The following COL8A1 variants were observed in gnomAD, a reference collection of about 807,000 sequenced individuals.
COL8A1 encodes collagen alpha-1(VIII) chain.
COL8A1 carries 21 observed loss-of-function variants against 42.7 expected under a neutral mutation model. That is an observed-to-expected ratio of 0.49 (90% CI 0.35 to 0.71). The LOEUF (loss-of-function observed/expected upper bound fraction) is 0.71. Among genes scored for constraint, COL8A1 ranks in the 30% least tolerant of loss-of-function variants. COL8A1 has a pLI of 0.01. For missense variants in COL8A1, 788 were observed against 962.4 expected (o/e 0.82, Z 2.40); for synonymous variants, 367 against 369.1 (o/e 0.99, Z 0.06).
chr3:99,784,238 A>T (rs902942288), intron 2 of COL8A1, among the ~76,000 whole-genome samples: 1 of 152,242 alleles, frequency 6.6e-6, no homozygotes, highest in Non-Finnish European at 1.5e-5. Context: ...TTTGACTAGG[A>T]ATGTAACAGG....
At chr3:99,750,057 T>A (rs1218448630) in intron 2 of COL8A1, among the ~76,000 whole-genome samples, 32 of 134,954 alleles carry the variant, frequency 2.4e-4, no homozygotes, top group African/African-American at 8.9e-4. Context: ...TTCTTTTTTT[T>A]TTTTTTTTTT....
chr3:99,771,558 AT>A (rs1941581183), intron 2 of COL8A1, among the ~76,000 whole-genome samples: 1 of 152,200 alleles, frequency 6.6e-6, no homozygotes, highest in Non-Finnish European at 1.5e-5. Context: ...TCCACTTGAA[AT>A]TAATGCCCCT....
chr3:99,731,891 G>A (rs1940521503), intron 1 of COL8A1, among the ~76,000 whole-genome samples: 1 of 152,108 alleles, frequency 6.6e-6, no homozygotes, highest in African/African-American at 2.4e-5. Flanking sequence ...CAATTATTAT[G>A]CTTATTATTT....
intron 2 of COL8A1, among the ~76,000 whole-genome samples, chr3:99,763,990 T>C (rs1941412559): frequency 6.6e-6 from 1 of 151,970 alleles, no homozygotes; most frequent in African/African-American, 2.4e-5. Flanking sequence ...TGCATTTGAC[T>C]CCAGTAGTTG....
chr3:99,640,435 T>G (rs1233531174), intron 1 of COL8A1, among the ~76,000 whole-genome samples: 1 of 152,208 alleles, frequency 6.6e-6, no homozygotes, highest in Non-Finnish European at 1.5e-5. Context: ...GAAAATACGC[T>G]GCTTCATTCA....
At position 99,651,541 on chromosome 3, in the gene COL8A1, T is replaced by C. The variant is rs1332740882; in HGVS notation, c.-129+12877T>C. 2.0e-5 allele frequency among the ~76,000 whole-genome samples: 3 copies of C among 152,376 alleles called. No individual in the cohort carries two copies. The East Asian group carries it at 5.8e-4, about 29-fold the overall frequency. On this transcript the variant is annotated intron_variant, in intron 1 of 3. Coordinates refer to ENST00000652472, the MANE Select transcript of COL8A1 (RefSeq NM_020351.4). ...TTTGACAATGATGTGCCCCTGGCAC[T>C]TGCTGGCTTACCAACAGCCCTTCAG...
chr3:99,680,958 C>G (rs1938858308), intron 1 of COL8A1, among the ~76,000 whole-genome samples: 1 of 152,094 alleles, frequency 6.6e-6, no homozygotes, highest in African/African-American at 2.4e-5. Flanking sequence ...GAAACTGGAT[C>G]CCTTCCTTAC....
At chr3:99,669,139 A>G (rs1011510036) in intron 1 of COL8A1, among the ~76,000 whole-genome samples, 14 of 122,598 alleles carry the variant, frequency 1.1e-4, no homozygotes, top group African/African-American at 4.2e-4. Context: ...ATATATATAT[A>G]TATATATAGA....
At chr3:99,730,496 A>G (rs1475637285) in intron 1 of COL8A1, among the ~76,000 whole-genome samples, 2 of 152,152 alleles carry the variant, frequency 1.3e-5, no homozygotes, top group African/African-American at 4.8e-5. Context: ...CCTGCACCCC[A>G]GAGTGAATGA....
chr3:99,643,175 A>G (rs1037797328), intron 1 of COL8A1, among the ~76,000 whole-genome samples: 7 of 152,198 alleles, frequency 4.6e-5, no homozygotes, highest in African/African-American at 7.2e-5. Context: ...GAATAACTGC[A>G]GTGTGGCTCC....
chr3:99,749,264 G>A (rs1941092629), intron 2 of COL8A1, among the ~76,000 whole-genome samples: 1 of 141,320 alleles, frequency 7.1e-6, no homozygotes, highest in African/African-American at 3.2e-5. Context: ...GTTACACCAA[G>A]GTTCTCTCAC....
chr3:99,708,056 T>C (rs1286464659), intron 1 of COL8A1, among the ~76,000 whole-genome samples: 1 of 152,160 alleles, frequency 6.6e-6, no homozygotes. Flanking sequence ...AGCACCTTCT[T>C]TGCCTCATCC....
At chr3:99,733,148 T>A (rs563473654) in intron 1 of COL8A1, among the ~76,000 whole-genome samples, 3,857 of 149,720 alleles carry the variant, frequency 0.026, 151 homozygotes, top group African/African-American at 0.085. Context: ...CTTTCTTTTT[T>A]TTATTATTAT....
chr3:99,761,687 G>A (rs960865935), intron 2 of COL8A1, among the ~76,000 whole-genome samples: 66 of 152,046 alleles, frequency 4.3e-4, no homozygotes, highest in African/African-American at 1.6e-3. Flanking sequence ...CAAAAATGGA[G>A]TCCTTCCCTC....
chr3:99,655,436 T>C (rs1257053746), intron 1 of COL8A1, among the ~76,000 whole-genome samples: 1 of 152,238 alleles, frequency 6.6e-6, no homozygotes, highest in African/African-American at 2.4e-5. Context: ...ATCAAGGTAC[T>C]ATACAATGAA....
At chr3:99,664,860 G>C (rs1014317157) in intron 1 of COL8A1, among the ~76,000 whole-genome samples, 2 of 152,186 alleles carry the variant, frequency 1.3e-5, no homozygotes, top group African/African-American at 4.8e-5. Context: ...ACATAAGTGG[G>C]AGTTCTTTGG....
rs201319988 is a variant in COL8A1 at position 99,794,639 on chromosome 3, G to A, written c.738G>A (p.Gly246=). The A allele has an allele frequency of 2.5e-6, 4 of 1,613,692 alleles. No individual in the cohort carries two copies. In the African/African-American group the frequency reaches 5.3e-5, roughly 22 times the overall value. ...GTCCTAAAGGAGACAAGGGCTTCGGGATGCCAGGTGCGCCAGGTGTAAAGG... is the reference window on the plus strand; with the variant it reads ...GTCCTAAAGGAGACAAGGGCTTCGGAATGCCAGGTGCGCCAGGTGTAAAGG... ...LRGPKGDKGF[G]MPGAPGVKGP... The change falls in exon 4 of 4, where the codon GGG becomes GGA. Residue 246 remains glycine, a synonymous_variant. Transcript: ENST00000652472. This position sits in a 1 kb window ranked among gnomAD's most constrained non-coding sequence, Gnocchi z 4.3.
At chr3:99,662,249 G>C (rs1290277397) in intron 1 of COL8A1, among the ~76,000 whole-genome samples, 1 of 152,130 alleles carries the variant, frequency 6.6e-6, no homozygotes, top group Non-Finnish European at 1.5e-5. Context: ...AGGCGTGGTG[G>C]TGAGTGCCTA....
chr3:99,670,945 G>GGT lies in COL8A1; in HGVS notation c.-129+32300_-129+32301dup, dbSNP rs57998251. Among the ~76,000 whole-genome samples, 116 of 149,442 alleles carry GGT rather than the reference G, an allele frequency of 7.8e-4. 1 individual carries two copies. In the South Asian group the frequency reaches 8.9e-3, roughly 11 times the overall value. On this transcript the variant is annotated intron_variant, in intron 1 of 3. Coordinates refer to ENST00000652472, the MANE Select transcript of COL8A1 (RefSeq NM_020351.4). ...TTGTAGCACATTCAGGCTCATCCGG[G>GGT]GTGTGTGTGTGTGTGTGTGTTTGTG... is the stretch of plus-strand genomic sequence containing the variant.
Sources: allele counts gnomAD v4.1 joint callset (sites outside exome capture counted in the v4.1 genomes callset), GRCh38; gene constraint gnomAD v4.1.1; non-coding constraint Gnocchi (gnomAD v3.1); transcripts MANE v1.5; gene names NCBI Gene and HGNC (gene_info 2026-07-23, HGNC 2026-07-21).